Variants in PDE1C observed in about 807,000 individuals in gnomAD.
PDE1C encodes dual specificity calcium/calmodulin-dependent 3',5'-cyclic nucleotide phosphodiesterase 1C.
PDE1C carries 62 observed loss-of-function variants against 93.1 expected under a neutral mutation model. The ratio of observed to expected loss-of-function variants is 0.67; its 90% confidence interval spans 0.54 to 0.82. The LOEUF is 0.82. PDE1C is among the 40% of genes least tolerant of loss of function. The pLI, the probability that PDE1C is intolerant of heterozygous loss-of-function variation, is 0.00. For synonymous variants in PDE1C, 325 were observed against 310.1 expected (o/e 1.05, Z -0.50); for missense variants, 742 against 884.6 (o/e 0.84, Z 2.04).
intron 1 of PDE1C, among the ~76,000 whole-genome samples, chr7:32,282,485 A>AATAGATAGCTAGATAGCTAGATAG (rs376678996): frequency 4.9e-5 from 7 of 143,860 alleles, no homozygotes; most frequent in Non-Finnish European, 1.1e-4. Flanking sequence ...TCAAAAAAAA[A>AATAGATAGCTAGATAGCTAGATAG]ATAGATAGAT....
intron 2 of PDE1C, among the ~76,000 whole-genome samples, chr7:31,986,929 AACAC>A (rs10551724): frequency 0.019 from 2,867 of 149,784 alleles, 67 homozygotes; most frequent in African/African-American, 0.061. Context: ...ATTGAACACG[AACAC>A]ACACACACAC....
At chr7:31,943,085 ATT>A (rs755318833) in intron 2 of PDE1C, among the ~76,000 whole-genome samples, 23 of 152,162 alleles carry the variant, frequency 1.5e-4, no homozygotes, top group Non-Finnish European at 2.9e-4. Context: ...TAGCATGCAA[ATT>A]CCCCATACTA....
intron 1 of PDE1C, among the ~76,000 whole-genome samples, chr7:32,426,897 C>T (rs1434620033): frequency 1.3e-5 from 2 of 152,152 alleles, no homozygotes; most frequent in African/African-American, 4.8e-5. Context: ...AGACCATCCC[C>T]GTGAGCACCA....
intron 1 of PDE1C, among the ~76,000 whole-genome samples, chr7:32,421,326 T>C (rs144200143): frequency 2.2e-3 from 331 of 152,312 alleles, no homozygotes; most frequent in Non-Finnish European, 3.3e-3. Flanking sequence ...CTCACTCCAG[T>C]TATTGTTTAA....
intron 2 of PDE1C, among the ~76,000 whole-genome samples, chr7:32,185,237 CTCTG>C (rs1803767413): frequency 8.7e-6 from 1 of 114,866 alleles, no homozygotes; most frequent in Admixed American, 9.7e-5. Context: ...AAGAGCAAAA[CTCTG>C]TCTCAGAAAA....
chr7:32,389,694 C>T (rs1784716431), intron 1 of PDE1C, among the ~76,000 whole-genome samples: 1 of 152,182 alleles, frequency 6.6e-6, no homozygotes, highest in Non-Finnish European at 1.5e-5. Flanking sequence ...CTGTAAGTAA[C>T]CTACAGGCAG....
intron 16 of PDE1C, among the ~76,000 whole-genome samples, chr7:31,793,906 C>T (rs1397788141): frequency 6.6e-6 from 1 of 151,456 alleles, no homozygotes; most frequent in African/African-American, 2.4e-5. Flanking sequence ...TACAGCACTG[C>T]TAAGACAAAA....
intron 2 of PDE1C, among the ~76,000 whole-genome samples, chr7:32,189,487 T>C (rs1804090405): frequency 6.6e-6 from 1 of 152,210 alleles, no homozygotes; most frequent in African/African-American, 2.4e-5. Context: ...CTGCAAAGCA[T>C]GCAAAAATCC....
intron 1 of PDE1C, among the ~76,000 whole-genome samples, chr7:32,250,546 C>T (rs1010732425): frequency 6.6e-6 from 1 of 152,182 alleles, no homozygotes; most frequent in Admixed American, 6.5e-5. Flanking sequence ...CTCTAATTCC[C>T]TACCTAATAC....
chr7:31,892,493 A>T (rs903484750), intron 2 of PDE1C, among the ~76,000 whole-genome samples: 2 of 152,180 alleles, frequency 1.3e-5, no homozygotes, highest in Non-Finnish European at 2.9e-5. Flanking sequence ...ACTCTAAGAT[A>T]TGAAGCACGA....
intron 1 of PDE1C, among the ~76,000 whole-genome samples, chr7:32,410,295 C>G (rs1785140565): frequency 6.6e-6 from 1 of 150,910 alleles, no homozygotes; most frequent in African/African-American, 2.4e-5. Context: ...CATGCTACTG[C>G]ACTCCAGCCT....
chr7:31,668,721 T>C, the PDE1C span, among the ~76,000 whole-genome samples: 1 of 152,026 alleles, frequency 6.6e-6, no homozygotes, highest in Non-Finnish European at 1.5e-5. Flanking sequence ...GGAGGTTTCT[T>C]TGGGGGATGA....
intron 1 of PDE1C, among the ~76,000 whole-genome samples, chr7:32,245,120 GC>G (rs970424274): frequency 1.9e-4 from 29 of 152,240 alleles, no homozygotes; most frequent in African/African-American, 6.5e-4. Flanking sequence ...TCTTTCCTAT[GC>G]CAAGGGCACT....
At position 32,043,518 on chromosome 7, in the gene PDE1C, G is replaced by A. The variant is rs185135892; in HGVS notation, c.128+8036C>T. ...GAAACTTACTCTCAAAACCATTTTG[G>A]CAAAACACCGCCAAACAGCCAAATG... On this transcript the variant is annotated intron_variant, in intron 2 of 17. Coordinates refer to ENST00000396191, the MANE Select transcript of PDE1C (RefSeq NM_001191057.4). Among the ~76,000 whole-genome samples, 7 of 152,170 alleles carry A rather than the reference G, an allele frequency of 4.6e-5. No individual in the cohort carries two copies. The East Asian group carries it at 1.4e-3, about 29-fold the overall frequency.
chr7:31,740,016 T>C, the PDE1C span, among the ~76,000 whole-genome samples: 1 of 152,230 alleles, frequency 6.6e-6, no homozygotes, highest in Admixed American at 6.5e-5. Context: ...TCATGCAGGC[T>C]GTCATTTCCT....
chr7:32,171,962 G>A (rs987681571), intron 2 of PDE1C, among the ~76,000 whole-genome samples: 2 of 150,086 alleles, frequency 1.3e-5, no homozygotes, highest in South Asian at 2.1e-4. Flanking sequence ...GAAACTGCGT[G>A]TAGGCCGTAT....
At chr7:31,696,966 T>A in the PDE1C span, 1 of 1,614,008 alleles carries the variant, frequency 6.2e-7, no homozygotes, top group Non-Finnish European at 8.5e-7. Context: ...ACCATGCAGG[T>A]GTGTTTTCAG....
At chr7:32,404,698 C>T (rs933314677) in intron 1 of PDE1C, among the ~76,000 whole-genome samples, 5 of 152,110 alleles carry the variant, frequency 3.3e-5, no homozygotes, top group East Asian at 1.9e-4. Context: ...CCATAATCTT[C>T]GTGCCCATGT....
At chr7:32,311,498 A>G (rs1027551351) in intron 1 of PDE1C, among the ~76,000 whole-genome samples, 1 of 152,216 alleles carries the variant, frequency 6.6e-6, no homozygotes, top group Non-Finnish European at 1.5e-5. Flanking sequence ...TGATGCAAAA[A>G]TCCTCAATAA....
Sources: allele counts gnomAD v4.1 joint callset (sites outside exome capture counted in the v4.1 genomes callset), GRCh38; gene constraint gnomAD v4.1.1; transcripts MANE v1.5; gene names NCBI Gene and HGNC (gene_info 2026-07-23, HGNC 2026-07-21).